Variants in BNIP3L observed in about 807,000 individuals in gnomAD.
The protein encoded by BNIP3L is BCL2/adenovirus E1B 19 kDa protein-interacting protein 3-like.
BNIP3L carries 10 observed loss-of-function variants against 25.5 expected under a neutral mutation model. That is an observed-to-expected ratio of 0.39 (90% CI 0.24 to 0.67). The LOEUF is 0.67. Among genes scored for constraint, BNIP3L ranks in the 30% least tolerant of loss-of-function variants. BNIP3L has a pLI of 0.45. For synonymous variants in BNIP3L, 113 were observed against 101.2 expected (o/e 1.12, Z -0.70); for missense variants, 215 against 270.9 (o/e 0.79, Z 1.45).
At chr8:26,408,959 T>C (rs1343546876) in intron 5 of BNIP3L, among the ~76,000 whole-genome samples, 1 of 152,132 alleles carries the variant, frequency 6.6e-6, no homozygotes, top group Non-Finnish European at 1.5e-5. Context: ...GATTTTTCTT[T>C]TTGGGTTTTG....
chr8:26,405,396 A>C (rs1279349750), intron 3 of BNIP3L, among the ~76,000 whole-genome samples: 1 of 152,226 alleles, frequency 6.6e-6, no homozygotes, highest in Admixed American at 6.5e-5. Context: ...GATTCTGAGT[A>C]ATCTCAATAG....
At position 26,412,505 on chromosome 8, in the gene BNIP3L, G is replaced by A. The variant is rs149541705; in HGVS notation, c.*2093G>A. 10 of 152,262 alleles carry A rather than the reference G, an allele frequency of 6.6e-5. No individual in the cohort carries two copies. Among genetic ancestry groups the A allele is most frequent in the East Asian group, 1.9e-4 (1 of 5,182 alleles). The allele number at this position is 152,262 out of a possible 1,614,324, so 9.4% of individuals were successfully genotyped here. Reference sequence around the variant, plus strand: ...GGGTATATTTATGATTTCTTTCAGCGTTAAAAAGAAACATAGTGTTGCCCT... The same window carrying A: ...GGGTATATTTATGATTTCTTTCAGCATTAAAAAGAAACATAGTGTTGCCCT... On this transcript the variant is annotated 3_prime_UTR_variant, in exon 6 of 6. Transcript: ENST00000380629.
intron 3 of BNIP3L, among the ~76,000 whole-genome samples, chr8:26,402,487 G>A (rs1806408438): frequency 6.6e-6 from 1 of 152,216 alleles, no homozygotes; most frequent in African/African-American, 2.4e-5. Flanking sequence ...AAAGCTTTAA[G>A]TTTAGATTAG....
rs891202848 is a variant in BNIP3L, at chr8:26,411,145, G to A, written c.*733G>A. 6.6e-6 allele frequency: 1 copy of A among 151,020 alleles called. No homozygotes were observed. Among genetic ancestry groups the A allele is most frequent in the Non-Finnish European group, 1.5e-5 (1 of 67,154 alleles). 9.4% of individuals were successfully genotyped at this position (151,020 alleles called of 1,614,324 possible). A position where few individuals can be genotyped will look rare whatever the true frequency, so the allele number is the denominator to read the frequency against. On this transcript the variant is annotated 3_prime_UTR_variant, in exon 6 of 6. Coordinates refer to ENST00000380629, the MANE Select transcript of BNIP3L (RefSeq NM_004331.3). ...ATGTTGTAATGCTGTCTTTTCTATGGTGTAGAATCTTTCTTTCTGATAAGG... is the reference window on the plus strand; with the variant it reads ...ATGTTGTAATGCTGTCTTTTCTATGATGTAGAATCTTTCTTTCTGATAAGG...
intron 3 of BNIP3L, among the ~76,000 whole-genome samples, chr8:26,405,519 G>T (rs1275253660): frequency 6.6e-6 from 1 of 152,110 alleles, no homozygotes; most frequent in East Asian, 1.9e-4. Context: ...ACGCACAGGG[G>T]TTTTACTTTG....
intron 1 of BNIP3L, among the ~76,000 whole-genome samples, chr8:26,386,029 T>C (rs1289317953): frequency 6.6e-6 from 1 of 152,216 alleles, no homozygotes; most frequent in Non-Finnish European, 1.5e-5. Context: ...CGAAGGACTT[T>C]GTTGGGTAAA....
intron 1 of BNIP3L, among the ~76,000 whole-genome samples, chr8:26,389,485 T>C (rs1382295803): frequency 1.3e-5 from 2 of 152,190 alleles, no homozygotes; most frequent in Non-Finnish European, 2.9e-5. Flanking sequence ...ATTTTATGTG[T>C]GTATAGAATG....
chr8:26,409,603 G>T (rs1049547229), intron 5 of BNIP3L, among the ~76,000 whole-genome samples: 3 of 152,180 alleles, frequency 2.0e-5, no homozygotes, highest in African/African-American at 4.8e-5. Context: ...TGTGGGGCAG[G>T]TGTAGGAGTT....
Position 26,383,152 on chromosome 8 carries a change from C to T in BNIP3L, c.22C>T (p.Pro8Ser). The change falls in exon 1 of 6, where the codon CCG (proline) becomes TCG (serine). Residue 8 changes from proline (P) to serine (S), a missense_variant. Pro to Ser is a moderately conservative substitution (Grantham distance 74). Around this residue, in one of 4 missense-constraint regions of BNIP3L, gnomAD observed 69 missense variants for 53.6 expected, o/e 1.29. Coordinates refer to ENST00000380629, the MANE Select transcript of BNIP3L (RefSeq NM_004331.3). MSSHLVE[P>S]PPPLHNNNNN... ...GACAATGTCGTCCCACCTAGTCGAGCCGCCGCCGCCCCTGCACAACAACAA... is the reference window on the plus strand; with the variant it reads ...GACAATGTCGTCCCACCTAGTCGAGTCGCCGCCGCCCCTGCACAACAACAA... The T allele has an allele frequency of 1.2e-6, 2 of 1,605,092 alleles. No individual in the cohort carries two copies. The highest frequency in any genetic ancestry group is 1.7e-6 in the Non-Finnish European group (2 of 1,174,552).
At chr8:26,383,738 G>C (rs1387565129) in intron 1 of BNIP3L, among the ~76,000 whole-genome samples, 1 of 151,806 alleles carries the variant, frequency 6.6e-6, no homozygotes, top group Admixed American at 6.6e-5. Context: ...GGGCGCGGGA[G>C]CCCCCCAGCG....
intron 3 of BNIP3L, among the ~76,000 whole-genome samples, chr8:26,402,116 C>T (rs907344718): frequency 6.6e-6 from 1 of 152,200 alleles, no homozygotes; most frequent in Non-Finnish European, 1.5e-5. Flanking sequence ...ACCCAGTATT[C>T]TTTCTGTTTC....
chr8:26,410,245 C>T (rs987384109), intron 5 of BNIP3L, 119 bp from the exon 6 acceptor site: 2 of 1,143,372 alleles, frequency 1.7e-6, no homozygotes, highest in African/African-American at 3.1e-5. Flanking sequence ...GGAGCGGTAC[C>T]CACAAACCTT....
chr8:26,391,063 C>T (rs1212052215), intron 1 of BNIP3L, among the ~76,000 whole-genome samples, 180 bp from the exon 2 acceptor site: 1 of 152,104 alleles, frequency 6.6e-6, no homozygotes, highest in Non-Finnish European at 1.5e-5. Flanking sequence ...TGAGCTATTT[C>T]AGGAACAGAA....
intron 2 of BNIP3L, among the ~76,000 whole-genome samples, chr8:26,392,886 A>G (rs1179259325): frequency 7.1e-6 from 1 of 140,256 alleles, no homozygotes; most frequent in Non-Finnish European, 1.6e-5. Context: ...CAATGAGCAG[A>G]GAACAGTCAC....
intron 1 of BNIP3L, chr8:26,390,546 GACT>G: frequency 1.0e-6 from 1 of 984,890 alleles, no homozygotes; most frequent in South Asian, 4.7e-5. Context: ...AAAGGAGAAG[GACT>G]AGAAAGCCTG....
At chr8:26,407,950 G>A (rs1585441582) in intron 3 of BNIP3L, 50 bp from the exon 4 acceptor site, 1 of 1,514,654 alleles carries the variant, frequency 6.6e-7, no homozygotes, top group Non-Finnish European at 9.1e-7. Flanking sequence ...CTTTGTATTA[G>A]GAGGAATTGG....
At chr8:26,384,363 G>T (rs1429736830) in intron 1 of BNIP3L, among the ~76,000 whole-genome samples, 2 of 152,152 alleles carry the variant, frequency 1.3e-5, no homozygotes, top group Admixed American at 1.3e-4. Context: ...GATGGAGTTT[G>T]GAGATTTTAA....
At chr8:26,409,320 A>G (rs537370741) in intron 5 of BNIP3L, among the ~76,000 whole-genome samples, 1 of 152,262 alleles carries the variant, frequency 6.6e-6, no homozygotes, top group East Asian at 1.9e-4. Flanking sequence ...TTCAAGACGT[A>G]TGTTGTGCTC....
rs1049692934 is a variant in BNIP3L at position 26,411,036 on chromosome 8, TTAATTTA to T, written c.*627_*633del. The T allele has an allele frequency of 6.6e-6, 1 of 152,524 alleles. No individual in the cohort carries two copies. Among genetic ancestry groups the T allele is most frequent in the Non-Finnish European group, 1.5e-5 (1 of 68,254 alleles). 9.4% of individuals were successfully genotyped at this position (152,524 alleles called of 1,614,324 possible). On this transcript the variant is annotated 3_prime_UTR_variant, in exon 6 of 6. Transcript: ENST00000380629. Reference sequence around the variant, plus strand: ...TGTCTAAGCCTCCTAATAGCGTCTTTTAATTTATAGGAGGCAAACTGTATAAATGATA... The same window carrying T: ...TGTCTAAGCCTCCTAATAGCGTCTTTTAGGAGGCAAACTGTATAAATGATA...
Sources: gnomAD v4.1 joint callset for allele counts (sites outside exome capture counted in the v4.1 genomes callset) on GRCh38, gnomAD v4.1.1 for gene constraint, gnomAD v4.1.1 regional missense constraint, MANE v1.5 for transcripts, NCBI Gene and HGNC (gene_info 2026-07-23, HGNC 2026-07-21) for gene names.